The following MCTP2 variants were observed in gnomAD, a reference collection of about 807,000 sequenced individuals.
The protein encoded by MCTP2 is multiple C2 and transmembrane domain-containing protein 2.
MCTP2 carries 132 observed loss-of-function variants against 111.6 expected under a neutral mutation model. The ratio of observed to expected loss-of-function variants is 1.18; its 90% CI spans 1.03 to 1.37. The LOEUF is 1.37. MCTP2 is among the 40% of genes most tolerant of loss of function. The probability of loss-of-function intolerance (pLI) is 0.00; values close to 1 mark genes in which losing one functional copy is unlikely to be tolerated. For synonymous variants in MCTP2, 395 were observed against 387.7 expected (o/e 1.02, Z -0.22); for missense variants, 1,183 against 1,067.9 (o/e 1.11, Z -1.50).
chr15:94,418,923 G>A (rs1285606725), intron 17 of MCTP2, among the ~76,000 whole-genome samples: 1 of 151,990 alleles, frequency 6.6e-6, no homozygotes, highest in South Asian at 2.1e-4. Context: ...CTAGAGCAAC[G>A]GAGTCTAAAA....
chr15:94,346,864 T>C (rs529946040), intron 8 of MCTP2, among the ~76,000 whole-genome samples: 1 of 152,112 alleles, frequency 6.6e-6, no homozygotes, highest in Non-Finnish European at 1.5e-5. Flanking sequence ...GCAGTATTTA[T>C]ATGTATACTT....
chr15:94,460,185 G>C (rs185595780), intron 20 of MCTP2, among the ~76,000 whole-genome samples: 17 of 152,282 alleles, frequency 1.1e-4, no homozygotes, highest in Admixed American at 6.5e-4. Context: ...GGAGAGATCT[G>C]ATCAGCCCAG....
intron 8 of MCTP2, among the ~76,000 whole-genome samples, chr15:94,349,985 G>A (rs116660871): frequency 2.6e-5 from 4 of 152,258 alleles, no homozygotes; most frequent in South Asian, 2.1e-4. Flanking sequence ...TGGACCAGCC[G>A]CAGCTGGTAA....
rs186260381 is a variant in MCTP2 at position 94,272,687 on chromosome 15, G to C, written c.-65-25514G>C. Among the ~76,000 whole-genome samples the C allele has an allele frequency of 4.0e-5, 6 of 151,800 alleles. No individual in the cohort carries two copies. The East Asian group carries it at 1.2e-3, about 30-fold the overall frequency. The stretch of plus-strand genomic sequence containing the variant: ...TTCCTCTATAAAACACCCTTCCTTT[G>C]GCTTTTCGGTTTTGGGTTCTATTTG... On this transcript the variant is annotated intron_variant, in intron 1 of 22. Transcript: ENST00000357742.
Position 94,449,621 on chromosome 15 carries a change from T to TTCA in MCTP2, c.2250+6665_2250+6667dup, listed in dbSNP as rs553322047. Among the ~76,000 whole-genome samples, 30 of 152,342 alleles carry TTCA rather than the reference T, an allele frequency of 2.0e-4. No homozygotes were observed. The South Asian group carries it at 6.2e-3, about 32-fold the overall frequency. ...ACCCCAGTTCCCTAGGACTTCTGCTTTCATCAAGGTTTGTAATGTTGTTGT... is the reference window on the plus strand; with the variant it reads ...ACCCCAGTTCCCTAGGACTTCTGCTTTCATCATCAAGGTTTGTAATGTTGTTGT... On this transcript the variant is annotated intron_variant, in intron 19 of 22. Coordinates refer to ENST00000357742, the MANE Select transcript of MCTP2 (RefSeq NM_001385001.1).
intron 12 of MCTP2, among the ~76,000 whole-genome samples, chr15:94,381,480 C>T (rs1252545631): frequency 1.3e-5 from 2 of 152,176 alleles, no homozygotes; most frequent in South Asian, 2.1e-4. Flanking sequence ...CAGCTAAGAG[C>T]GTGCTTGCTT....
rs2152550264 is a variant in MCTP2 at position 94,480,898 on chromosome 15, G to A, written c.*1864G>A. ...CTCTGTAGCCCGATTGAAATTCTCA[G>A]TGTTAAGTTTAGGACCCAAACACCA... On this transcript the variant is annotated 3_prime_UTR_variant, in exon 23 of 23. Coordinates refer to ENST00000357742, the MANE Select transcript of MCTP2 (RefSeq NM_001385001.1). The A allele has an allele frequency of 6.6e-6, 1 of 152,334 alleles. No homozygotes were observed. The highest frequency in any genetic ancestry group is 2.1e-4 in the South Asian group (1 of 4,828). The allele number at this position is 152,334 out of a possible 1,614,324, so 9.4% of individuals were successfully genotyped here. A position where few individuals can be genotyped will look rare whatever the true frequency, so the allele number is the denominator to read the frequency against.
chr15:94,403,312 TCTC>T (rs1233403756), intron 17 of MCTP2: 19 of 923,088 alleles, frequency 2.1e-5, no homozygotes, highest in Non-Finnish European at 2.5e-5. Flanking sequence ...TTTCTCACGT[TCTC>T]CTCAGCTGGT....
intron 1 of MCTP2, among the ~76,000 whole-genome samples, chr15:94,258,519 C>G (rs1255140720): frequency 6.6e-6 from 1 of 152,152 alleles, no homozygotes; most frequent in South Asian, 2.1e-4. Flanking sequence ...GTAAGAGTGA[C>G]TTGAGACAGA....
intron 10 of MCTP2, 46 bp from the exon 11 acceptor site, chr15:94,367,559 T>G: frequency 6.6e-7 from 1 of 1,516,436 alleles, no homozygotes; most frequent in Non-Finnish European, 9.0e-7. Flanking sequence ...TGCAGTGGCC[T>G]TGAATTAATC....
At chr15:94,308,105 C>T (rs1171431178) in intron 2 of MCTP2, among the ~76,000 whole-genome samples, 5 of 152,166 alleles carry the variant, frequency 3.3e-5, no homozygotes, top group Non-Finnish European at 2.9e-5. Context: ...GAAGAGTCCT[C>T]GCACAGTGTC....
intron 1 of MCTP2, among the ~76,000 whole-genome samples, chr15:94,254,404 C>G (rs1055958128): frequency 1.3e-5 from 2 of 152,162 alleles, no homozygotes; most frequent in African/African-American, 4.8e-5. Flanking sequence ...TACATACTGG[C>G]TGACAAGTTG....
chr15:94,454,041 T>C (rs1447826007), intron 19 of MCTP2, among the ~76,000 whole-genome samples: 1 of 152,224 alleles, frequency 6.6e-6, no homozygotes, highest in Non-Finnish European at 1.5e-5. Flanking sequence ...AATGACCAAG[T>C]AGCTGTTAAT....
intron 8 of MCTP2, among the ~76,000 whole-genome samples, chr15:94,352,091 G>C (rs2078336331): frequency 6.6e-6 from 1 of 152,152 alleles, no homozygotes; most frequent in Non-Finnish European, 1.5e-5. Flanking sequence ...AATAATGTAT[G>C]CCACCAAACT....
intron 14 of MCTP2, among the ~76,000 whole-genome samples, chr15:94,397,401 G>A (rs1026766727): frequency 3.9e-5 from 6 of 152,204 alleles, no homozygotes; most frequent in Non-Finnish European, 5.9e-5. Flanking sequence ...ATGACTGTGC[G>A]TTGAAGCAAA....
intron 4 of MCTP2, among the ~76,000 whole-genome samples, chr15:94,331,525 C>T (rs1485618733): frequency 6.6e-6 from 1 of 152,106 alleles, no homozygotes; most frequent in Non-Finnish European, 1.5e-5. Context: ...AGGGAAGAAT[C>T]CGAAGACCCA....
chr15:94,340,690 T>C, intron 6 of MCTP2, 123 bp from the exon 7 acceptor site: 2 of 592,408 alleles, frequency 3.4e-6, no homozygotes, highest in East Asian at 5.6e-5. Context: ...TTTTGTGCTT[T>C]CTTAACATCA....
intron 17 of MCTP2, among the ~76,000 whole-genome samples, chr15:94,426,141 TGAGAGA>T (rs10603478): frequency 3.7e-4 from 52 of 140,872 alleles, no homozygotes; most frequent in East Asian, 6.6e-4. Context: ...AGAGAGAGAT[TGAGAGA>T]GAGAGAGAGA....
chr15:94,465,169 T>C (rs191392336), intron 20 of MCTP2, among the ~76,000 whole-genome samples: 16 of 152,230 alleles, frequency 1.1e-4, no homozygotes, highest in African/African-American at 3.6e-4. Flanking sequence ...TCTTGGTTGA[T>C]TGGAGCATTA....
Sources: gnomAD v4.1 joint callset for allele counts (sites outside exome capture counted in the v4.1 genomes callset) on GRCh38, gnomAD v4.1.1 for gene constraint, MANE v1.5 for transcripts, NCBI Gene and HGNC (gene_info 2026-07-23, HGNC 2026-07-21) for gene names.